SMARCA2: variants seen among roughly 807,000 people sequenced by gnomAD.
SMARCA2 encodes SWI/SNF-related matrix-associated actin-dependent regulator of chromatin subfamily A member 2.
SMARCA2 carries 61 observed loss-of-function variants against 199.8 expected under a neutral mutation model. The ratio of observed to expected loss-of-function variants is 0.31; its 90% CI spans 0.25 to 0.38. SMARCA2 has a LOEUF of 0.38. SMARCA2 is among the 10% of genes least tolerant of loss of function. The pLI, the probability that SMARCA2 is intolerant of heterozygous loss-of-function variation, is 1.00. For synonymous variants in SMARCA2, 935 were observed against 732.0 expected, an observed-to-expected ratio of 1.28 and a Z score of -4.48; for missense variants, 1,344 against 2,012.2, an observed-to-expected ratio of 0.67 and a Z score of 6.35.
At position 2,032,717 on chromosome 9, in the gene SMARCA2, A is replaced by AAAACAAAC. The variant is rs111319405; in HGVS notation, c.226-215_226-208dup. Reference sequence around the variant, plus strand: ...TTCATTGCCTGTTCTGATATTACAAAAAACAAACAAACAAACAAACAAACA... The same window carrying AAAACAAAC: ...TTCATTGCCTGTTCTGATATTACAAAAAACAAACAAACAAACAAACAAACAAACAAACA... On this transcript the variant is annotated intron_variant, in intron 2 of 33. Coordinates refer to ENST00000349721, the MANE Select transcript of SMARCA2 (RefSeq NM_003070.5). The AAAACAAAC allele has an allele frequency of 4.5e-3, 1,625 of 364,030 alleles. 26 individuals are homozygous for AAAACAAAC. The highest frequency in any genetic ancestry group is 0.031 in the African/African-American group (1,489 of 47,304). The allele number at this position is 364,030 out of a possible 1,614,324, so 22.5% of individuals were successfully genotyped here.
intron 2 of SMARCA2, among the ~76,000 whole-genome samples, chr9:2,030,604 T>G (rs1394777381): frequency 6.7e-6 from 1 of 150,132 alleles, no homozygotes; most frequent in Non-Finnish European, 1.5e-5. Context: ...CCCACCGACA[T>G]TGCTGGAGGC....
At chr9:2,096,345 A>G (rs1822272828) in intron 19 of SMARCA2, among the ~76,000 whole-genome samples, 1 of 152,232 alleles carries the variant, frequency 6.6e-6, no homozygotes, top group Admixed American at 6.5e-5. Context: ...CATATTGAAC[A>G]TTTTTGAATT....
At position 2,193,082 on chromosome 9, in the gene SMARCA2, T is replaced by A. The variant is rs574612087; in HGVS notation, c.*343T>A. The stretch of plus-strand genomic sequence containing the variant: ...TGCCTGGTTTTATCACCTGTTCAGA[T>A]GAGAAGATTTTTGTCTTTTGTAGCA... On this transcript the variant is annotated 3_prime_UTR_variant, in exon 34 of 34. Coordinates refer to ENST00000349721, the MANE Select transcript of SMARCA2 (RefSeq NM_003070.5). 8 of 214,442 alleles carry A rather than the reference T, an allele frequency of 3.7e-5. 1 individual carries two copies. The highest frequency in any genetic ancestry group is 1.8e-4 in the African/African-American group (8 of 43,652). The allele number at this position is 214,442 out of a possible 1,614,324, so 13.3% of individuals were successfully genotyped here.
At chr9:2,048,021 C>T (rs548515777) in intron 5 of SMARCA2, 1 of 152,294 alleles carries the variant, frequency 6.6e-6, no homozygotes, top group Admixed American at 6.5e-5. Flanking sequence ...TTTTGGTAAA[C>T]TCTTCCTGTA....
chr9:2,031,088 G>GTT (rs147379902), intron 2 of SMARCA2, among the ~76,000 whole-genome samples: 2 of 150,606 alleles, frequency 1.3e-5, no homozygotes, highest in African/African-American at 4.9e-5. Flanking sequence ...ATATATTGGT[G>GTT]TTTTTTTTTG....
intron 13 of SMARCA2, among the ~76,000 whole-genome samples, 166 bp downstream of exon 13, chr9:2,076,495 G>C (rs940299778): frequency 6.6e-6 from 1 of 151,656 alleles, no homozygotes; most frequent in African/African-American, 2.4e-5. Context: ...CCAGGTCTCG[G>C]GGTTTCGTGT....
At chr9:2,077,075 A>G (rs1443822867) in intron 13 of SMARCA2, among the ~76,000 whole-genome samples, 1 of 152,136 alleles carries the variant, frequency 6.6e-6, no homozygotes, top group African/African-American at 2.4e-5. Flanking sequence ...AGGTGTTAAG[A>G]ATCCCCCTCA....
At chr9:2,101,001 C>T (rs1036338127) in intron 21 of SMARCA2, among the ~76,000 whole-genome samples, 2 of 151,992 alleles carry the variant, frequency 1.3e-5, no homozygotes, top group African/African-American at 2.4e-5. Flanking sequence ...TACAAAGCCA[C>T]GAGATCTCGT....
chr9:2,058,229 G>A, intron 7 of SMARCA2, 62 bp from the exon 8 acceptor site: 1 of 1,428,632 alleles, frequency 7.0e-7, no homozygotes, highest in South Asian at 1.2e-5. Flanking sequence ...AACACTGATA[G>A]CTCAGAGGAC....
intron 27 of SMARCA2, among the ~76,000 whole-genome samples, chr9:2,147,616 C>T (rs746573062): frequency 3.9e-5 from 6 of 152,010 alleles, no homozygotes; most frequent in East Asian, 1.9e-4. Flanking sequence ...GAGGCCAAGG[C>T]GGGAGTATCA....
At chr9:2,134,155 T>C (rs947879938) in intron 27 of SMARCA2, among the ~76,000 whole-genome samples, 1 of 152,232 alleles carries the variant, frequency 6.6e-6, no homozygotes, top group African/African-American at 2.4e-5. Flanking sequence ...TACGTTCTCT[T>C]TTGTGTCTTG....
intron 5 of SMARCA2, among the ~76,000 whole-genome samples, chr9:2,052,177 A>C (rs1020799372): frequency 8.5e-5 from 13 of 152,250 alleles, no homozygotes; most frequent in African/African-American, 3.1e-4. Flanking sequence ...GTTGGTATGC[A>C]TAGTTAATAG....
chr9:2,145,520 C>A (rs1240107391), intron 27 of SMARCA2, among the ~76,000 whole-genome samples: 1 of 152,076 alleles, frequency 6.6e-6, no homozygotes, highest in Non-Finnish European at 1.5e-5. Flanking sequence ...GTAGAATCAT[C>A]CGTAAAGGTG....
chr9:2,083,517 T>G, intron 16 of SMARCA2, 104 bp downstream of exon 16: 1 of 699,292 alleles, frequency 1.4e-6, no homozygotes, highest in Admixed American at 2.6e-5. Context: ...TTGTAAAGTT[T>G]TGTCATGTAC....
chr9:2,033,173 T>C, intron 3 of SMARCA2, 92 bp downstream of exon 3: 1 of 1,442,404 alleles, frequency 6.9e-7, no homozygotes, highest in South Asian at 1.3e-5. Flanking sequence ...CCAAAGAATG[T>C]GTCTAAGGAA....
At chr9:2,183,919 T>TACA (rs1212393616) in intron 31 of SMARCA2, among the ~76,000 whole-genome samples, 1 of 152,242 alleles carries the variant, frequency 6.6e-6, no homozygotes, top group Non-Finnish European at 1.5e-5. Context: ...TCCTTTTTTC[T>TACA]ACAACCTTCC....
In SMARCA2 at chr9:2,182,385, T is replaced by G. The variant is rs1827098977; in HGVS notation, c.4461+143T>G. 1.0e-5 allele frequency: 6 copies of G among 589,582 alleles called. No individual in the cohort carries two copies. In the East Asian group the frequency reaches 1.8e-4, roughly 18 times the overall value. The allele number at this position is 589,582 out of a possible 1,614,324, so 36.5% of individuals were successfully genotyped here. On this transcript the variant is annotated intron_variant, in intron 31 of 33. Coordinates refer to ENST00000349721, the MANE Select transcript of SMARCA2 (RefSeq NM_003070.5). The stretch of plus-strand genomic sequence containing the variant: ...CTAAAAGCCTATGTTCCTTGCTACC[T>G]GTGTAAGAAAATAGAGGCTTTGGCA...
At chr9:2,024,718 T>G (rs1442573793) in intron 1 of SMARCA2, among the ~76,000 whole-genome samples, 2 of 152,200 alleles carry the variant, frequency 1.3e-5, no homozygotes, top group African/African-American at 4.8e-5. Flanking sequence ...GAAACATGGC[T>G]TGCTAGATCC....
chr9:2,187,566 TACTCAGGAAGCTGAGGCAGGA>T (rs1311480836), intron 32 of SMARCA2, among the ~76,000 whole-genome samples: 1 of 152,088 alleles, frequency 6.6e-6, no homozygotes, highest in Non-Finnish European at 1.5e-5. Flanking sequence ...TAGTCCCAGC[TACTCAGGAAGCTGAGGCAGGA>T]GGATTGCTTA....
Sources: allele counts gnomAD v4.1 joint callset (sites outside exome capture counted in the v4.1 genomes callset), GRCh38; gene constraint gnomAD v4.1.1; transcripts MANE v1.5; gene names NCBI Gene and HGNC (gene_info 2026-07-23, HGNC 2026-07-21).